The following COL15A1 variants were observed in gnomAD, a reference collection of about 807,000 sequenced individuals.
The protein encoded by COL15A1 is collagen alpha-1(XV) chain.
Under a neutral mutation model 165.9 loss-of-function variants are expected in COL15A1, and 111 were observed. The ratio of observed to expected loss-of-function variants is 0.67; its 90% CI spans 0.57 to 0.78. The LOEUF is 0.78. Among genes scored for constraint, COL15A1 ranks in the 30% least tolerant of loss-of-function variants. The pLI is 0.00. For missense variants in COL15A1, 1,745 were observed against 1,789.7 expected (o/e 0.98, Z 0.45); for synonymous variants, 659 against 674.8 (o/e 0.98, Z 0.36).
intron 5 of COL15A1, among the ~76,000 whole-genome samples, chr9:98,989,807 C>A (rs1543709): frequency 1.3e-5 from 2 of 152,032 alleles, no homozygotes; most frequent in African/African-American, 4.8e-5. Context: ...TCACTTCTGA[C>A]GCATGGGAAA....
At chr9:99,020,324 G>T in intron 11 of COL15A1, 65 bp from the exon 12 acceptor site, 1 of 1,185,660 alleles carries the variant, frequency 8.4e-7, no homozygotes, top group South Asian at 1.2e-5. Flanking sequence ...AATGTCATCG[G>T]AACTCAGCAG....
chr9:98,966,396 C>T (rs1039246596), intron 2 of COL15A1, among the ~76,000 whole-genome samples: 1 of 152,206 alleles, frequency 6.6e-6, no homozygotes, highest in African/African-American at 2.4e-5. Flanking sequence ...AGGGATCTTA[C>T]CGTTCTGCTC....
rs528813578 is a variant in COL15A1, at chr9:99,059,185, C to A, written c.3338-704C>A. Among the ~76,000 whole-genome samples, 129 of 152,176 alleles carry A rather than the reference C, an allele frequency of 8.5e-4. 1 individual carries two copies. The highest frequency in any genetic ancestry group is 6.8e-3 in the Middle Eastern group (2 of 294). ...ATTTCTCTGGGAAAGAGGGCACTAA[C>A]CTTGATCTGATTTTTAAGGGCACTG... On this transcript the variant is annotated intron_variant, in intron 35 of 41. Coordinates refer to ENST00000375001, the MANE Select transcript of COL15A1 (RefSeq NM_001855.5).
intron 2 of COL15A1, among the ~76,000 whole-genome samples, chr9:98,984,740 G>C (rs1588501773): frequency 6.6e-6 from 1 of 152,174 alleles, no homozygotes; most frequent in East Asian, 1.9e-4. Flanking sequence ...TGCACACTCA[G>C]AGGCACTTAA....
At chr9:99,025,803 A>C in intron 15 of COL15A1, 101 bp from the exon 16 acceptor site, 1 of 1,285,540 alleles carries the variant, frequency 7.8e-7, no homozygotes. Context: ...TGGGCCCACC[A>C]GCCTCACCTG....
chr9:98,963,282 C>CT (rs1238302057), intron 2 of COL15A1, among the ~76,000 whole-genome samples: 2 of 152,112 alleles, frequency 1.3e-5, no homozygotes, highest in South Asian at 4.2e-4. Flanking sequence ...TGCAAGTCCC[C>CT]CCAAACACCT....
At chr9:98,974,062 G>A (rs1242926220) in intron 2 of COL15A1, among the ~76,000 whole-genome samples, 2 of 152,236 alleles carry the variant, frequency 1.3e-5, no homozygotes, top group Non-Finnish European at 2.9e-5. Flanking sequence ...AGGTCAGGAT[G>A]TAGAAGTTGA....
In COL15A1 at chr9:98,997,015, C is replaced by T; in HGVS notation, c.886C>T (p.Pro296Ser). The T allele has an allele frequency of 6.2e-7, 1 of 1,614,194 alleles. No individual in the cohort carries two copies. The highest frequency in any genetic ancestry group is 8.5e-7 in the Non-Finnish European group (1 of 1,180,028). Residue 296 changes from proline (P) to serine (S), a missense_variant, in exon 6 of 42, where the codon CCT becomes TCT. Transcript: ENST00000375001. ...TGAAGACATGGAACTTTCTGGTGAA[C>T]CTGTACCCGAGGGGACCCTGGAAAC... ...PFEDMELSGE[P>S]VPEGTLETTN...
intron 27 of COL15A1, 21 bp from the exon 28 acceptor site, chr9:99,047,920 G>T: frequency 3.1e-6 from 5 of 1,609,720 alleles, no homozygotes; most frequent in Non-Finnish European, 4.3e-6. Flanking sequence ...GGTTTACTGA[G>T]GTGTCTGCTG....
intron 6 of COL15A1, among the ~76,000 whole-genome samples, chr9:98,998,838 AG>A (rs1387456505): frequency 1.3e-5 from 2 of 152,216 alleles, no homozygotes; most frequent in African/African-American, 4.8e-5. Context: ...GTCAGTTGAA[AG>A]CAATGGAGCT....
chr9:99,050,866 G>T (rs910716169), intron 30 of COL15A1, among the ~76,000 whole-genome samples: 6 of 152,182 alleles, frequency 3.9e-5, no homozygotes, highest in Non-Finnish European at 8.8e-5. Flanking sequence ...CCGCGTATTT[G>T]CCCAGACATC....
At chr9:99,028,139 C>A (rs1839158423) in intron 16 of COL15A1, among the ~76,000 whole-genome samples, 1 of 152,188 alleles carries the variant, frequency 6.6e-6, no homozygotes, top group South Asian at 2.1e-4. Context: ...AAATCAGCCT[C>A]CTTTCTCTTT....
rs1839573751 is a variant in COL15A1 at position 99,050,682 on chromosome 9, T to C, written c.2904+787T>C. 5.9e-5 allele frequency among the ~76,000 whole-genome samples: 9 copies of C among 152,364 alleles called. 1 individual carries two copies. The South Asian group carries it at 1.9e-3, about 32-fold the overall frequency. Reference sequence around the variant, plus strand: ...TATTTATTGAGCACTTATGCAGTGCTAAGGACTCTGCCAGGCCCTGGGGAC... The same window carrying C: ...TATTTATTGAGCACTTATGCAGTGCCAAGGACTCTGCCAGGCCCTGGGGAC... On this transcript the variant is annotated intron_variant, in intron 30 of 41. Coordinates refer to ENST00000375001, the MANE Select transcript of COL15A1 (RefSeq NM_001855.5).
chr9:98,961,103 A>AT (rs1447519006), intron 2 of COL15A1, among the ~76,000 whole-genome samples: 6 of 152,334 alleles, frequency 3.9e-5, no homozygotes, highest in African/African-American at 1.4e-4. Context: ...AGAAATGGCC[A>AT]TTCTGCCTGT....
At chr9:98,951,020 A>G (rs1447149297) in intron 2 of COL15A1, among the ~76,000 whole-genome samples, 2 of 152,158 alleles carry the variant, frequency 1.3e-5, no homozygotes, top group Admixed American at 1.3e-4. Context: ...AGCAGCGCAG[A>G]ACTTCCCTCT....
At chr9:99,023,328 C>G (rs1839059025) in intron 13 of COL15A1, 29 bp from the exon 14 acceptor site, 1 of 1,576,904 alleles carries the variant, frequency 6.3e-7, no homozygotes, top group East Asian at 2.3e-5. Context: ...CAGTTAAATG[C>G]AAGTAGTGGA....
intron 5 of COL15A1, among the ~76,000 whole-genome samples, chr9:98,991,153 C>T (rs533521330): frequency 3.7e-4 from 57 of 152,242 alleles, no homozygotes; most frequent in African/African-American, 1.3e-3. Flanking sequence ...ACACTAACAG[C>T]GATATTTATT....
At chr9:98,987,210 C>T in intron 3 of COL15A1, 84 bp from the exon 4 acceptor site, 5 of 1,343,202 alleles carry the variant, frequency 3.7e-6, no homozygotes, top group Non-Finnish European at 4.2e-6. Flanking sequence ...TGTTCGTCTC[C>T]ATTGCCAAAA....
Position 99,023,429 on chromosome 9 carries a change from G to A in COL15A1, c.1834G>A (p.Gly612Ser), listed in dbSNP as rs1402625709. The A allele has an allele frequency of 6.8e-7, 1 of 1,472,944 alleles. No homozygotes were observed. The highest frequency in any genetic ancestry group is 9.5e-7 in the Non-Finnish European group (1 of 1,052,244). The allele number at this position is 1,472,944 out of a possible 1,614,324, so 91.2% of individuals were successfully genotyped here. Reference sequence around the variant, plus strand: ...CGGCTCTGGCTCTGGTGACCTGGTGGGCAGTGAGCAGCTGCTGAGAGTGAG... The same window carrying A: ...CGGCTCTGGCTCTGGTGACCTGGTGAGCAGTGAGCAGCTGCTGAGAGTGAG... ...DVGSGSGDLV[G>S]SEQLLRGPPG... The change falls in exon 14 of 42, where the codon GGC becomes AGC. Residue 612 changes from glycine to serine, a missense_variant. By Grantham distance (56) the Gly-to-Ser change is moderately conservative. Coordinates refer to ENST00000375001, the MANE Select transcript of COL15A1 (RefSeq NM_001855.5).
Sources: gnomAD v4.1 joint callset for allele counts (sites outside exome capture counted in the v4.1 genomes callset) on GRCh38, gnomAD v4.1.1 for gene constraint, MANE v1.5 for transcripts, NCBI Gene and HGNC (gene_info 2026-07-23, HGNC 2026-07-21) for gene names.